The following LRRFIP1 variants were observed in gnomAD, a reference collection of about 807,000 sequenced individuals.
LRRFIP1 encodes leucine-rich repeat flightless-interacting protein 1.
In LRRFIP1, 62 loss-of-function variants were observed where a neutral mutation model predicts 104.4. That is an observed-to-expected ratio of 0.59 (90% confidence interval 0.48 to 0.73). The LOEUF (loss-of-function observed/expected upper bound fraction) is 0.73. Among genes scored for constraint, LRRFIP1 ranks in the 30% least tolerant of loss-of-function variants. The probability of loss-of-function intolerance (pLI) is 0.00; values close to 1 mark genes in which losing one functional copy is unlikely to be tolerated. For missense variants in LRRFIP1, 796 were observed against 824.5 expected (o/e 0.97, Z 0.42); for synonymous variants, 300 against 299.0 (o/e 1.00, Z -0.03).
intron 1 of LRRFIP1, among the ~76,000 whole-genome samples, chr2:237,631,057 GTCAGAC>G: frequency 6.6e-6 from 1 of 152,252 alleles, no homozygotes; most frequent in East Asian, 1.9e-4. Flanking sequence ...CCTGTGACCT[GTCAGAC>G]TCATCCTGGG....
At chr2:237,713,619 A>C (rs374597954) in intron 2 of LRRFIP1, among the ~76,000 whole-genome samples, 6 of 152,054 alleles carry the variant, frequency 3.9e-5, no homozygotes, top group South Asian at 2.1e-4. Context: ...GATATGACAA[A>C]TGTCTTAATG....
chr2:237,758,752 C>A lies in LRRFIP1; in HGVS notation c.1248C>A (p.Phe416Leu), dbSNP rs747426997. 10 of 1,612,728 alleles carry A rather than the reference C, an allele frequency of 6.2e-6. No individual in the cohort carries two copies. The highest frequency in any genetic ancestry group is 1.6e-4 in the Middle Eastern group (1 of 6,082). ...AGGCATTAGAGAGGCAGAAAGAGTT[C>A]TTTGATTCCGTAAGGAGTGAACGGG... is the stretch of plus-strand genomic sequence containing the variant. ...KIGALERQKE[F>L]FDSVRSERDD... Residue 416 changes from phenylalanine (F) to leucine (L), a missense_variant, in exon 18 of 24, where the codon TTC (phenylalanine) becomes TTA (leucine). By Grantham distance (22) the Phe-to-Leu change is conservative. Transcript: ENST00000308482.
intron 19 of LRRFIP1, chr2:237,763,940 G>A (rs1378206883): frequency 6.2e-7 from 1 of 1,614,130 alleles, no homozygotes; most frequent in Non-Finnish European, 8.5e-7. Flanking sequence ...TGATGCCTGT[G>A]AAGCAGAAAG....
At chr2:237,682,075 G>A (rs2091906675) in intron 1 of LRRFIP1, among the ~76,000 whole-genome samples, 1 of 152,198 alleles carries the variant, frequency 6.6e-6, no homozygotes, top group South Asian at 2.1e-4. Context: ...AGCTCCCTGA[G>A]TGTGCCAAAA....
intron 1 of LRRFIP1, among the ~76,000 whole-genome samples, chr2:237,686,372 T>C (rs1055602935): frequency 6.6e-6 from 1 of 152,348 alleles, no homozygotes; most frequent in Middle Eastern, 3.4e-3. Flanking sequence ...CCTAAAGACA[T>C]GTCATTTTTA....
intron 15 of LRRFIP1, among the ~76,000 whole-genome samples, chr2:237,753,759 T>C (rs1488196719): frequency 7.6e-6 from 1 of 131,702 alleles, no homozygotes; most frequent in African/African-American, 2.9e-5. Context: ...ACCACTGCAC[T>C]CCAGCTTGGG....
intron 1 of LRRFIP1, among the ~76,000 whole-genome samples, chr2:237,647,706 GCCGGCCA>G (rs2085185167): frequency 2.6e-5 from 3 of 114,194 alleles, no homozygotes; most frequent in Non-Finnish European, 6.5e-5. Flanking sequence ...TCACCCCGTG[GCCGGCCA>G]CTCACTGCAG....
At chr2:237,666,748 A>ATTCTTTCC (rs2089336417) in intron 1 of LRRFIP1, among the ~76,000 whole-genome samples, 1 of 143,576 alleles carries the variant, frequency 7.0e-6, no homozygotes, top group African/African-American at 2.6e-5. Flanking sequence ...TCGTTCTTTC[A>ATTCTTTCC]TTCTTTCTCT....
At chr2:237,746,032 C>A (rs10929246) in intron 11 of LRRFIP1, among the ~76,000 whole-genome samples, 18,771 of 150,850 alleles carry the variant, frequency 0.12, 1,502 homozygotes, top group African/African-American at 0.22. Context: ...TTTCCTTGTT[C>A]TTTGAAATTT....
chr2:237,690,630 G>C (rs1254438038), intron 1 of LRRFIP1, among the ~76,000 whole-genome samples: 1 of 151,776 alleles, frequency 6.6e-6, no homozygotes, highest in Admixed American at 6.6e-5. Context: ...CCACCTACTC[G>C]GGAGGCTGAG....
At chr2:237,700,024 C>T (rs1291832328) in intron 1 of LRRFIP1, among the ~76,000 whole-genome samples, 3 of 152,164 alleles carry the variant, frequency 2.0e-5, no homozygotes, top group Non-Finnish European at 2.9e-5. Flanking sequence ...GGTGGGTACA[C>T]GGAACCGAGG....
intron 1 of LRRFIP1, among the ~76,000 whole-genome samples, chr2:237,682,886 C>T (rs2091978404): frequency 1.3e-5 from 2 of 152,238 alleles, no homozygotes; most frequent in Admixed American, 1.3e-4. Context: ...GGGGCCCCAT[C>T]CAGCTGTATA....
At chr2:237,662,376 T>C (rs1295695377) in intron 1 of LRRFIP1, among the ~76,000 whole-genome samples, 1 of 152,122 alleles carries the variant, frequency 6.6e-6, no homozygotes, top group African/African-American at 2.4e-5. Flanking sequence ...GACATGAACT[T>C]TTGGGGGATG....
chr2:237,710,999 A>G (rs961831728), intron 2 of LRRFIP1, among the ~76,000 whole-genome samples: 9 of 152,206 alleles, frequency 5.9e-5, no homozygotes, highest in Non-Finnish European at 7.3e-5. Context: ...AGCCTGAAGC[A>G]ATGATCGGGC....
At position 237,739,222 on chromosome 2, in the gene LRRFIP1, G is replaced by A. The variant is rs1173217178; in HGVS notation, c.556-10G>A. 1.3e-6 allele frequency: 2 copies of A among 1,555,550 alleles called. No homozygotes were observed. The highest frequency in any genetic ancestry group is 1.2e-5 in the South Asian group (1 of 84,386). On this transcript the variant is annotated splice_polypyrimidine_tract_variant and intron_variant, in intron 10 of 23. Transcript: ENST00000308482. ...CTGGCTGCGTGTCCTGGCGGTGGCTGTGTGGGCAGCCCTCGGAGTACAGCG... is the reference window on the plus strand; with the variant it reads ...CTGGCTGCGTGTCCTGGCGGTGGCTATGTGGGCAGCCCTCGGAGTACAGCG...
chr2:237,772,620 C>A, intron 21 of LRRFIP1: 1 of 554,218 alleles, frequency 1.8e-6, no homozygotes, highest in East Asian at 2.9e-5. Flanking sequence ...TTGTCTTCTT[C>A]ACTCATAGGC....
chr2:237,634,533 G>C (rs1431236579), intron 1 of LRRFIP1, among the ~76,000 whole-genome samples: 1 of 152,204 alleles, frequency 6.6e-6, no homozygotes, highest in African/African-American at 2.4e-5. Flanking sequence ...TAGGTAAGAT[G>C]GGAAAGTTTT....
chr2:237,682,496 A>G (rs2091945598), intron 1 of LRRFIP1, among the ~76,000 whole-genome samples: 1 of 152,188 alleles, frequency 6.6e-6, no homozygotes, highest in Non-Finnish European at 1.5e-5. Context: ...GGTCACTTGC[A>G]TTCTCTGTGT....
chr2:237,675,000 C>T (rs886382246), intron 1 of LRRFIP1, among the ~76,000 whole-genome samples: 5 of 152,218 alleles, frequency 3.3e-5, no homozygotes, highest in South Asian at 2.1e-4. Flanking sequence ...GCCCGGAGCA[C>T]GCTGCTTCCT....
Sources: gnomAD v4.1 joint callset for allele counts (sites outside exome capture counted in the v4.1 genomes callset) on GRCh38, gnomAD v4.1.1 for gene constraint, MANE v1.5 for transcripts, NCBI Gene and HGNC (gene_info 2026-07-23, HGNC 2026-07-21) for gene names.